ECE1: variants seen among roughly 807,000 people sequenced by gnomAD.
ECE1 encodes endothelin converting enzyme 1.
Under a neutral mutation model 98.6 loss-of-function variants are expected in ECE1, and 35 were observed. The observed-to-expected ratio is 0.35, with a 90% CI of 0.27 to 0.47. The LOEUF (loss-of-function observed/expected upper bound fraction) is 0.47. ECE1 is among the 20% of genes least tolerant of loss of function. ECE1 has a pLI of 1.00. For missense variants in ECE1, 814 were observed against 1,025.3 expected, an observed-to-expected ratio of 0.79 and a Z score of 2.81; for synonymous variants, 394 against 407.1, an observed-to-expected ratio of 0.97 and a Z score of 0.39.
intron 10 of ECE1, among the ~76,000 whole-genome samples, chr1:21,242,341 C>T (rs759364835): frequency 2.0e-5 from 3 of 152,228 alleles, no homozygotes; most frequent in Non-Finnish European, 2.9e-5. Flanking sequence ...CACCACACTG[C>T]TTCCCATGCT....
rs566353937 is a variant in ECE1, at chr1:21,257,051, C to T, written c.828+474G>A. Among the ~76,000 whole-genome samples, 8 of 152,164 alleles carry T rather than the reference C, an allele frequency of 5.3e-5. No homozygotes were observed. The East Asian group carries it at 9.7e-4, about 18-fold the overall frequency. ...CAGGGGGAGGGAGAGCCATGGGCTT[C>T]GGAGCACGTGGATCCGGATGTGAAT... On this transcript the variant is annotated intron_variant, in intron 7 of 18. Transcript: ENST00000374893.
chr1:21,247,250 G>A lies in ECE1; in HGVS notation c.1134C>T (p.Ile378=). ...VVYDKEYLEQ[I]STLINTTDRC... ...TGTCGGTGGTGTTGATGAGAGTGGAGATCTGCTCAAGGTATTCCTTGTCAT... is the reference window on the plus strand; with the variant it reads ...TGTCGGTGGTGTTGATGAGAGTGGAAATCTGCTCAAGGTATTCCTTGTCAT... Residue 378 remains isoleucine, a synonymous_variant, in exon 9 of 19, where the codon ATC becomes ATT. Transcript: ENST00000374893. 1 of 1,614,176 alleles carries A rather than the reference G, an allele frequency of 6.2e-7. No homozygotes were observed. The highest frequency in any genetic ancestry group is 2.2e-5 in the East Asian group (1 of 44,870).
chr1:21,274,297 C>T (rs187444223), intron 3 of ECE1, among the ~76,000 whole-genome samples: 14 of 152,308 alleles, frequency 9.2e-5, no homozygotes, highest in Non-Finnish European at 1.5e-4. Context: ...GCCAGTCACA[C>T]GAGGGGCTGG....
At chr1:21,273,457 A>G (rs2098242912) in intron 3 of ECE1, among the ~76,000 whole-genome samples, 1 of 152,114 alleles carries the variant, frequency 6.6e-6, no homozygotes, top group African/African-American at 2.4e-5. Context: ...GGGGATATAC[A>G]CATAAATCAA....
At chr1:21,314,810 T>C (rs546401344) in intron 1 of ECE1, among the ~76,000 whole-genome samples, 25 of 152,280 alleles carry the variant, frequency 1.6e-4, no homozygotes, top group Non-Finnish European at 2.6e-4. Flanking sequence ...TTGAGTTTGT[T>C]TGTTGTTGTT....
intron 1 of ECE1, among the ~76,000 whole-genome samples, chr1:21,300,601 A>AT (rs1199887546): frequency 3.9e-5 from 6 of 152,036 alleles, no homozygotes; most frequent in African/African-American, 4.8e-5. Flanking sequence ...CACCCGGCTA[A>AT]TTTTTTATAT....
At chr1:21,238,643 A>G (rs1224858239) in intron 10 of ECE1, among the ~76,000 whole-genome samples, 2 of 151,494 alleles carry the variant, frequency 1.3e-5, no homozygotes, top group East Asian at 3.9e-4. Flanking sequence ...GCTCCTACCT[A>G]CCCCCATCTC....
intron 1 of ECE1, among the ~76,000 whole-genome samples, chr1:21,296,533 G>A (rs1257382688): frequency 6.6e-6 from 1 of 151,986 alleles, no homozygotes; most frequent in East Asian, 1.9e-4. Context: ...AAAAGAGAGA[G>A]AAATAAAATA....
At chr1:21,251,350 T>G (rs1209149329) in intron 8 of ECE1, among the ~76,000 whole-genome samples, 1 of 151,740 alleles carries the variant, frequency 6.6e-6, no homozygotes. Flanking sequence ...CTATCTCTGC[T>G]AAAAGTATAA....
At chr1:21,231,802 T>C (rs757951158) in intron 14 of ECE1, among the ~76,000 whole-genome samples, 1 of 152,132 alleles carries the variant, frequency 6.6e-6, no homozygotes, top group Non-Finnish European at 1.5e-5. Flanking sequence ...TTTGTAGAGA[T>C]GGGGTTTCAC....
intron 10 of ECE1, among the ~76,000 whole-genome samples, chr1:21,242,396 G>A (rs762422580): frequency 4.6e-5 from 7 of 152,194 alleles, no homozygotes; most frequent in Non-Finnish European, 8.8e-5. Context: ...AGTCCTGTGA[G>A]GTGAGGTCAG....
At chr1:21,274,157 A>C (rs1354563537) in intron 3 of ECE1, among the ~76,000 whole-genome samples, 1 of 152,240 alleles carries the variant, frequency 6.6e-6, no homozygotes, top group Non-Finnish European at 1.5e-5. Context: ...TTAAAGAGGA[A>C]ACTGAGGGAG....
rs1306019801 is a variant in ECE1, at chr1:21,244,996, G to C, written c.1271C>G (p.Thr424Ser). ...DEKFMEVMYGTKKTCLPRWKF... is the reference protein window; with the variant it reads ...DEKFMEVMYGSKKTCLPRWKF... Reference sequence around the variant, plus strand: ...ACGCAGTAGCAGGCTCACCTTCTTGGTCCCGTACATGACTTCCATGAACTT... The same window carrying C: ...ACGCAGTAGCAGGCTCACCTTCTTGCTCCCGTACATGACTTCCATGAACTT... The change falls in exon 10 of 19, where the codon ACC (threonine) becomes AGC (serine). Residue 424 changes from threonine to serine, a missense_variant. Thr to Ser is a moderately conservative substitution (Grantham distance 58). Coordinates refer to ENST00000374893, the MANE Select transcript of ECE1 (RefSeq NM_001397.3). The C allele has an allele frequency of 6.2e-7, 1 of 1,614,080 alleles. No individual in the cohort carries two copies. The highest frequency in any genetic ancestry group is 8.5e-7 in the Non-Finnish European group (1 of 1,179,956).
At chr1:21,251,246 T>C (rs1180964242) in intron 8 of ECE1, among the ~76,000 whole-genome samples, 1 of 152,062 alleles carries the variant, frequency 6.6e-6, no homozygotes, top group East Asian at 1.9e-4. Context: ...GCACGGTGGC[T>C]CATGCCTGTA....
chr1:21,345,171 C>T lies in ECE1; in HGVS notation c.3+205G>A. On this transcript the variant is annotated intron_variant, in intron 1 of 18. Coordinates refer to the ECE1 transcript ENST00000415912. This position sits in a 1 kb window ranked among gnomAD's most constrained non-coding sequence, Gnocchi z 5.1. ...CTCGGCGCGGCCGCCCCCGACGGGACCAAGCGCAGCGCCGCCGGGAGAGCC... is the reference window on the plus strand; with the variant it reads ...CTCGGCGCGGCCGCCCCCGACGGGATCAAGCGCAGCGCCGCCGGGAGAGCC... 1.6e-6 allele frequency: 1 copy of T among 614,408 alleles called. No individual in the cohort carries two copies. The highest frequency in any genetic ancestry group is 2.2e-6 in the Non-Finnish European group (1 of 459,436). 38.1% of individuals were successfully genotyped at this position (614,408 alleles called of 1,614,324 possible).
intron 8 of ECE1, among the ~76,000 whole-genome samples, chr1:21,248,378 T>G (rs1376382965): frequency 6.6e-6 from 1 of 152,222 alleles, no homozygotes; most frequent in East Asian, 1.9e-4. Context: ...TTTGCCATCT[T>G]GGCCAGGCTG....
intron 8 of ECE1, among the ~76,000 whole-genome samples, chr1:21,254,008 G>A (rs1352277348): frequency 6.8e-6 from 1 of 146,520 alleles, no homozygotes; most frequent in Non-Finnish European, 1.5e-5. Flanking sequence ...GGCAGAGGTT[G>A]CAGTAAGCTG....
chr1:21,221,427 C>T (rs1474991907), intron 18 of ECE1, among the ~76,000 whole-genome samples: 5 of 152,128 alleles, frequency 3.3e-5, no homozygotes, highest in Admixed American at 1.3e-4. Flanking sequence ...TTGCCTCGGC[C>T]GCCCAAAGTG....
At chr1:21,335,598 G>A (rs1012655318) in intron 1 of ECE1, among the ~76,000 whole-genome samples, 2 of 152,186 alleles carry the variant, frequency 1.3e-5, no homozygotes, top group African/African-American at 2.4e-5. Context: ...CACGGCTGGG[G>A]GCCTACTCTG....
Sources: gnomAD v4.1 joint callset for allele counts (sites outside exome capture counted in the v4.1 genomes callset) on GRCh38, gnomAD v4.1.1 for gene constraint, Gnocchi (gnomAD v3.1) non-coding constraint, MANE v1.5 for transcripts, NCBI Gene and HGNC (gene_info 2026-07-23, HGNC 2026-07-21) for gene names.